The following SVOP variants were observed in gnomAD, a reference collection of about 807,000 sequenced individuals.
SVOP encodes the protein SV2 related protein.
A neutral mutation model predicts 69.1 loss-of-function variants in SVOP; 17 were observed. The ratio of observed to expected loss-of-function variants is 0.25; its 90% CI spans 0.17 to 0.37. The LOEUF (loss-of-function observed/expected upper bound fraction) is 0.37. Ranked by LOEUF, SVOP falls within the 10% of genes least tolerant of loss-of-function variation. The probability of loss-of-function intolerance (pLI) is 1.00; values close to 1 mark genes in which losing one functional copy is unlikely to be tolerated. For synonymous variants in SVOP, 238 were observed against 238.6 expected (o/e 1.00, Z 0.02); for missense variants, 435 against 597.5 (o/e 0.73, Z 2.84).
chr12:108,908,906 A>T lies in SVOP; in HGVS notation c.*3629T>A, dbSNP rs1462882431. ...CAGGACTCATGCTGGGATGGGCATG[A>T]CACCCAGGTCTGATCAATGAGAAGC... On this transcript the variant is annotated 3_prime_UTR_variant, in exon 16 of 16. Transcript: ENST00000610966. The T allele has an allele frequency of 6.6e-6, 1 of 152,210 alleles. No individual in the cohort carries two copies. The highest frequency in any genetic ancestry group is 1.5e-5 in the Non-Finnish European group (1 of 68,052). 9.4% of individuals were successfully genotyped at this position (152,210 alleles called of 1,614,324 possible). A position where few individuals can be genotyped will look rare whatever the true frequency, so the allele number is the denominator to read the frequency against.
At chr12:108,990,514 TA>T (rs1359204557) in intron 1 of SVOP, among the ~76,000 whole-genome samples, 4 of 83,692 alleles carry the variant, frequency 4.8e-5, no homozygotes, top group African/African-American at 1.4e-4. Flanking sequence ...TGTCGTGGGA[TA>T]GGGGGAGGGG....
intron 12 of SVOP, among the ~76,000 whole-genome samples, chr12:108,921,826 C>T (rs1383829701): frequency 6.6e-6 from 1 of 152,186 alleles, no homozygotes; most frequent in Non-Finnish European, 1.5e-5. Flanking sequence ...GTTTCTTCAG[C>T]TGTAAAATGG....
intron 15 of SVOP, among the ~76,000 whole-genome samples, chr12:108,913,264 T>A (rs2039696224): frequency 6.6e-6 from 1 of 152,130 alleles, no homozygotes; most frequent in Admixed American, 6.6e-5. Flanking sequence ...TTTCTCCATG[T>A]TGGTCAGGCT....
chr12:109,014,102 A>G (rs907043682), intron 1 of SVOP, among the ~76,000 whole-genome samples: 1 of 143,394 alleles, frequency 7.0e-6, no homozygotes, highest in Non-Finnish European at 1.5e-5. Context: ...TGGGACCTCC[A>G]TCTCCTAAGT....
At chr12:108,915,011 A>T (rs1396613929) in intron 15 of SVOP, among the ~76,000 whole-genome samples, 3 of 151,584 alleles carry the variant, frequency 2.0e-5, no homozygotes, top group Admixed American at 6.6e-5. Context: ...TGTCTCTACT[A>T]AAAATACAGA....
intron 8 of SVOP, 21 bp downstream of exon 8, chr12:108,940,763 A>G: frequency 6.5e-7 from 1 of 1,534,224 alleles, no homozygotes; most frequent in Non-Finnish European, 8.7e-7. Flanking sequence ...CAAAAGGTGA[A>G]ATCTCTTAAA....
intron 8 of SVOP, 121 bp from the exon 9 acceptor site, chr12:108,939,076 C>G: frequency 7.1e-7 from 1 of 1,406,692 alleles, no homozygotes; most frequent in Non-Finnish European, 9.7e-7. Context: ...AGCCAGAGAG[C>G]TGACTTCAAA....
At chr12:108,974,783 A>G (rs907997337) in intron 4 of SVOP, among the ~76,000 whole-genome samples, 6 of 152,188 alleles carry the variant, frequency 3.9e-5, no homozygotes, top group African/African-American at 1.4e-4. Context: ...TGGAAATACC[A>G]GTTCCAAGAA....
At chr12:108,972,315 A>G (rs1373076867) in intron 5 of SVOP, 90 bp downstream of exon 5, 4 of 1,273,932 alleles carry the variant, frequency 3.1e-6, no homozygotes, top group South Asian at 2.6e-5. Flanking sequence ...AGGCCTCCCA[A>G]CTGCTAATGC....
chr12:108,952,279 G>C (rs1004547535), intron 6 of SVOP, among the ~76,000 whole-genome samples: 1 of 124,012 alleles, frequency 8.1e-6, no homozygotes, highest in African/African-American at 2.9e-5. Flanking sequence ...CTGTTCCCCA[G>C]GCTGGAGTGT....
chr12:108,979,609 A>G (rs909154771), intron 2 of SVOP, among the ~76,000 whole-genome samples: 1 of 152,134 alleles, frequency 6.6e-6, no homozygotes, highest in African/African-American at 2.4e-5. Context: ...TATATTGTTA[A>G]GTGAAAAGCA....
chr12:108,946,121 G>T (rs1464704802), intron 6 of SVOP, among the ~76,000 whole-genome samples: 1 of 152,078 alleles, frequency 6.6e-6, no homozygotes, highest in Non-Finnish European at 1.5e-5. Flanking sequence ...TTGAGACAGG[G>T]TGTCACCCTA....
chr12:108,987,029 A>C (rs984660921), intron 1 of SVOP, among the ~76,000 whole-genome samples: 4 of 152,158 alleles, frequency 2.6e-5, no homozygotes, highest in African/African-American at 9.7e-5. Context: ...TTGCCATTTT[A>C]ACCATTATAA....
chr12:108,920,825 G>A (rs1246688211), intron 12 of SVOP, among the ~76,000 whole-genome samples: 1 of 152,054 alleles, frequency 6.6e-6, no homozygotes, highest in African/African-American at 2.4e-5. Context: ...TCGAACTCCT[G>A]ACCTCAGGTA....
intron 11 of SVOP, among the ~76,000 whole-genome samples, chr12:108,929,228 T>C (rs2039800839): frequency 6.6e-6 from 1 of 152,252 alleles, no homozygotes; most frequent in Admixed American, 6.5e-5. Flanking sequence ...AAAACCAGGA[T>C]GAATAGAAGG....
intron 1 of SVOP, among the ~76,000 whole-genome samples, chr12:109,017,792 C>G (rs975521440): frequency 1.3e-5 from 2 of 152,112 alleles, no homozygotes; most frequent in African/African-American, 4.8e-5. Flanking sequence ...GATCCACCCA[C>G]CTCGGTCTCC....
intron 11 of SVOP, among the ~76,000 whole-genome samples, chr12:108,929,638 A>G (rs1301026095): frequency 2.6e-5 from 4 of 152,180 alleles, no homozygotes; most frequent in African/African-American, 4.8e-5. Flanking sequence ...ACCAGAAACC[A>G]TCTTATCCTT....
At chr12:109,012,301 TAGAC>T (rs1473334197) in intron 1 of SVOP, among the ~76,000 whole-genome samples, 2 of 151,076 alleles carry the variant, frequency 1.3e-5, no homozygotes, top group African/African-American at 4.9e-5. Flanking sequence ...AAAAATCAGT[TAGAC>T]AGGAGAAATA....
intron 10 of SVOP, chr12:108,937,061 T>G: frequency 1.7e-6 from 1 of 572,872 alleles, no homozygotes; most frequent in African/African-American, 1.9e-5. Context: ...AGCAGTCAAG[T>G]TAAAGAAAAA....
Sources: allele counts gnomAD v4.1 joint callset (sites outside exome capture counted in the v4.1 genomes callset), GRCh38; gene constraint gnomAD v4.1.1; transcripts MANE v1.5; gene names NCBI Gene and HGNC (gene_info 2026-07-23, HGNC 2026-07-21).